The following EIF4A2 variants were observed in gnomAD, a reference collection of about 807,000 sequenced individuals.
The protein encoded by EIF4A2 is eukaryotic initiation factor 4A-II.
Under a neutral mutation model 50.6 loss-of-function variants are expected in EIF4A2, and 9 were observed. That is an observed-to-expected ratio of 0.18 (90% CI 0.11 to 0.31). The LOEUF is 0.31. Ranked by LOEUF, EIF4A2 falls within the 10% of genes least tolerant of loss-of-function variation. The pLI, the probability that EIF4A2 is intolerant of heterozygous loss-of-function variation, is 1.00. For synonymous variants in EIF4A2, 215 were observed against 164.4 expected (o/e 1.31, Z -2.35); for missense variants, 182 against 501.8 (o/e 0.36, Z 6.09).
At position 186,786,075 on chromosome 3, in the gene EIF4A2, ATTT is replaced by A. The variant is rs753726599; in HGVS notation, c.517+30_517+32del. ...TTGTAAGTATTGTCTTTAAGAGAGT[ATTT>A]TTTTTAAAACTGTTAACATAGTTGA... On this transcript the variant is annotated intron_variant, in intron 5 of 10. Coordinates refer to ENST00000323963, the MANE Select transcript of EIF4A2 (RefSeq NM_001967.4). 13 of 1,599,716 alleles carry A rather than the reference ATTT, an allele frequency of 8.1e-6. No individual in the cohort carries two copies. In the East Asian group the frequency reaches 2.2e-4, roughly 28 times the overall value.
chr3:186,784,452 G>T lies in EIF4A2; in HGVS notation c.50G>T (p.Gly17Val). The T allele has an allele frequency of 6.2e-7, 1 of 1,614,222 alleles. No individual in the cohort carries two copies. Among genetic ancestry groups the T allele is most frequent in the Non-Finnish European group, 8.5e-7 (1 of 1,180,024 alleles). ...DYNREHGGPEGMDPDGVIESN... is the reference protein window; with the variant it reads ...DYNREHGGPEVMDPDGVIESN... ...AGCAGAGAACATGGCGGCCCAGAGG[G>T]AATGGACCCCGATGGTGTCATCGAG... The change falls in exon 2 of 11, where the codon GGA (glycine) becomes GTA (valine). Residue 17 changes from glycine to valine, a missense_variant. Gly to Val is a moderately radical substitution (Grantham distance 109). This residue lies in a region of EIF4A2 where 43 missense variants were observed against 22.2 expected (regional missense o/e 1.93). Transcript: ENST00000323963.
At chr3:186,783,856 C>A in intron 1 of EIF4A2, 1 of 666,606 alleles carries the variant, frequency 1.5e-6, no homozygotes, top group South Asian at 2.0e-5. Flanking sequence ...GGCGTTTTTC[C>A]TCTCTAAGAC....
At chr3:186,785,682 A>G (rs948910092) in intron 4 of EIF4A2, 40 of 566,088 alleles carry the variant, frequency 7.1e-5, no homozygotes, top group Non-Finnish European at 1.1e-4. Context: ...CAGCATCCCA[A>G]GTTTGACAAG....
At chr3:186,785,587 A>G in intron 4 of EIF4A2, 1 of 359,602 alleles carries the variant, frequency 2.8e-6, no homozygotes, top group East Asian at 4.4e-5. Context: ...TACAGAACAT[A>G]AATTTCACTA....
At chr3:186,783,960 C>A in intron 1 of EIF4A2, 1 of 455,690 alleles carries the variant, frequency 2.2e-6, no homozygotes, top group Non-Finnish European at 4.0e-6. Context: ...TACACTGTAA[C>A]CAGGACCCGA....
intron 8 of EIF4A2, 103 bp from the exon 9 acceptor site, chr3:186,787,392 T>C (rs1721797406): frequency 6.2e-6 from 10 of 1,606,848 alleles, no homozygotes; most frequent in Non-Finnish European, 8.5e-6. Context: ...ACCTGTCTGC[T>C]ATTCTCCTGT....
At chr3:186,784,272 T>G in intron 1 of EIF4A2, 160 bp from the exon 2 acceptor site, 2 of 1,077,828 alleles carry the variant, frequency 1.9e-6, no homozygotes, top group Non-Finnish European at 2.7e-6. Flanking sequence ...GGCCCCAACC[T>G]TTAGGGAAGG....
Position 186,789,488 on chromosome 3 carries a change from T to C in EIF4A2, c.*219T>C, listed in dbSNP as rs1721993758. 2.1e-6 allele frequency: 1 copy of C among 471,444 alleles called. No individual in the cohort carries two copies. Among genetic ancestry groups the C allele is most frequent in the Non-Finnish European group, 3.5e-6 (1 of 282,676 alleles). The allele number at this position is 471,444 out of a possible 1,614,324, so 29.2% of individuals were successfully genotyped here. A position where few individuals can be genotyped will look rare whatever the true frequency, so the allele number is the denominator to read the frequency against. On this transcript the variant is annotated 3_prime_UTR_variant, in exon 11 of 11. Transcript: ENST00000323963. ...TAGAGTTAGACTGTTGGGGTGGGTA[T>C]AAAAGATGGGGTCTGTAAAATCTTT...
chr3:186,783,662 C>T, intron 1 of EIF4A2, 23 bp downstream of exon 1: 7 of 1,614,014 alleles, frequency 4.3e-6, no homozygotes, highest in East Asian at 2.2e-5. Flanking sequence ...TTGGCGGTCG[C>T]GGTCTGTAGT....
chr3:186,788,862 T>C, intron 10 of EIF4A2: 1 of 401,678 alleles, frequency 2.5e-6, no homozygotes. Flanking sequence ...CCAAACACGA[T>C]ACTGTCATCT....
chr3:186,789,041 G>T, intron 10 of EIF4A2, 84 bp from the exon 11 acceptor site: 1 of 1,500,854 alleles, frequency 6.7e-7, no homozygotes, highest in Non-Finnish European at 8.9e-7. Flanking sequence ...GTAAACAGCA[G>T]CTGGTGGTTA....
intron 10 of EIF4A2, chr3:186,788,198 C>T (rs1045692532): frequency 2.8e-5 from 25 of 901,802 alleles, no homozygotes; most frequent in East Asian, 2.3e-4. Flanking sequence ...TTCTTGGTGT[C>T]GCCTGGTAGC....
chr3:186,789,710 T>C lies in EIF4A2; in HGVS notation c.*441T>C. 1 of 390,880 alleles carries C rather than the reference T, an allele frequency of 2.6e-6. No homozygotes were observed. Among genetic ancestry groups the C allele is most frequent in the Non-Finnish European group, 4.6e-6 (1 of 217,738 alleles). The allele number at this position is 390,880 out of a possible 1,614,324, so 24.2% of individuals were successfully genotyped here. On this transcript the variant is annotated 3_prime_UTR_variant, in exon 11 of 11. Coordinates refer to ENST00000323963, the MANE Select transcript of EIF4A2 (RefSeq NM_001967.4). The stretch of plus-strand genomic sequence containing the variant: ...GCCTTTAAAATTTTTTTAGAAAGCA[T>C]TTGAATGCATTTTGTTTGGTATTGT...
At chr3:186,784,122 C>A (rs1721543156) in intron 1 of EIF4A2, 2 of 502,640 alleles carry the variant, frequency 4.0e-6, no homozygotes, top group South Asian at 4.5e-5. Flanking sequence ...CTCGCCAGGC[C>A]GCTCCGCCCG....
intron 8 of EIF4A2, 108 bp downstream of exon 8, chr3:186,787,372 T>C (rs777134828): frequency 1.6e-5 from 26 of 1,610,100 alleles, no homozygotes; most frequent in South Asian, 3.3e-5. Flanking sequence ...TAAAGTTGTT[T>C]CTTAACTATA....
Position 186,786,260 on chromosome 3 carries a change from A to G in EIF4A2, c.614A>G (p.Asn205Ser). 1 of 1,613,582 alleles carries G rather than the reference A, an allele frequency of 6.2e-7. No individual in the cohort carries two copies. Among genetic ancestry groups the G allele is most frequent in the Non-Finnish European group, 8.5e-7 (1 of 1,179,790 alleles). The stretch of plus-strand genomic sequence containing the variant: ...ATCTATGAGATTTTCCAAAAACTAA[A>G]CACAAGTATTCAGGTAAGCATTACT... ...DQIYEIFQKLNTSIQVVLLSA... is the reference protein window; with the variant it reads ...DQIYEIFQKLSTSIQVVLLSA... The change falls in exon 6 of 11, where the codon AAC (asparagine) becomes AGC (serine). Residue 205 changes from asparagine to serine, a missense_variant. Transcript: ENST00000323963.
intron 7 of EIF4A2, 65 bp downstream of exon 7, chr3:186,786,710 C>T (rs538395242): frequency 2.5e-6 from 4 of 1,601,022 alleles, no homozygotes; most frequent in Non-Finnish European, 3.4e-6. Context: ...AAATTGCAGA[C>T]ACTAGGACCA....
chr3:186,784,170 T>G, intron 1 of EIF4A2: 1 of 551,196 alleles, frequency 1.8e-6, no homozygotes, highest in African/African-American at 1.9e-5. Context: ...GGGGGCGGAG[T>G]TCGGCGCTCC....
intron 8 of EIF4A2, 84 bp downstream of exon 8, chr3:186,787,348 C>T: frequency 6.2e-7 from 1 of 1,611,348 alleles, no homozygotes; most frequent in Non-Finnish European, 8.5e-7. Context: ...TGTTGTCGTT[C>T]CCCCTGCTTA....
Sources: allele counts gnomAD v4.1 joint callset, GRCh38; gene constraint gnomAD v4.1.1; regional missense constraint gnomAD v4.1.1; transcripts MANE v1.5; gene names NCBI Gene and HGNC (gene_info 2026-07-23, HGNC 2026-07-21).